ITPR2: variants seen among roughly 807,000 people sequenced by gnomAD.
The protein encoded by ITPR2 is inositol 1,4,5-trisphosphate receptor type 2, also known as inositol 1,4,5-trisphosphate-gated calcium channel ITPR2.
A neutral mutation model predicts 317.1 loss-of-function variants in ITPR2; 207 were observed. The observed-to-expected ratio is 0.65, with a 90% confidence interval of 0.58 to 0.73. ITPR2 has a LOEUF of 0.73. Among genes scored for constraint, ITPR2 ranks in the 30% least tolerant of loss-of-function variants. The probability of loss-of-function intolerance (pLI) is 0.00; values close to 1 mark genes in which losing one functional copy is unlikely to be tolerated. For missense variants in ITPR2, 2,613 were observed against 3,284.0 expected (o/e 0.80, Z 4.99); for synonymous variants, 1,156 against 1,149.1 (o/e 1.01, Z -0.12).
chr12:26,695,202 AG>A (rs569415783), intron 10 of ITPR2, among the ~76,000 whole-genome samples: 154 of 152,354 alleles, frequency 1.0e-3, no homozygotes, highest in African/African-American at 3.6e-3. Flanking sequence ...TTAAAAATCT[AG>A]CCCAACATCC....
rs1565759688 is a variant in ITPR2 at position 26,782,014 on chromosome 12, ATATATATATATATATATAT to A, written c.163+8124_163+8142del. Among the ~76,000 whole-genome samples, 220 of 30,914 alleles carry A rather than the reference ATATATATATATATATATAT, an allele frequency of 7.1e-3. 1 individual carries two copies. The highest frequency in any genetic ancestry group is 0.012 in the African/African-American group (115 of 9,216). 20.3% of individuals were successfully genotyped at this position (30,914 alleles called of 152,430 possible). On this transcript the variant is annotated intron_variant, in intron 2 of 56. Transcript: ENST00000381340. ...CCTGTATATATATATATATATATAT[ATATATATATATATATATAT>A]GTATAGAGAGAGAGAGAGAGAGAGA...
rs189685258 is a variant in ITPR2 at position 26,666,109 on chromosome 12, A to G, written c.1410-58T>C. On this transcript the variant is annotated intron_variant, in intron 13 of 56. Coordinates refer to ENST00000381340, the MANE Select transcript of ITPR2 (RefSeq NM_002223.4). ...CAGTGTGCTTAATTTTGGAAAATGT[A>G]TAGATAGATGATAGGTAGGTAGGTA... 8.5e-5 allele frequency: 104 copies of G among 1,220,882 alleles called. No homozygotes were observed. The East Asian group carries it at 1.7e-3, about 20-fold the overall frequency. The allele number at this position is 1,220,882 out of a possible 1,614,324, so 75.6% of individuals were successfully genotyped here.
chr12:26,586,131 T>G (rs1178412157), intron 32 of ITPR2, among the ~76,000 whole-genome samples: 1 of 152,138 alleles, frequency 6.6e-6, no homozygotes. Context: ...CTATTTAAAT[T>G]TTGATGTGTT....
At chr12:26,673,712 A>G (rs1456511166) in intron 13 of ITPR2, among the ~76,000 whole-genome samples, 3 of 151,390 alleles carry the variant, frequency 2.0e-5, no homozygotes, top group Non-Finnish European at 2.9e-5. Flanking sequence ...AGGCAGGAGA[A>G]GAAAATAAAG....
At chr12:26,731,900 C>A (rs1036714620) in intron 2 of ITPR2, among the ~76,000 whole-genome samples, 1 of 152,114 alleles carries the variant, frequency 6.6e-6, no homozygotes, top group Admixed American at 6.6e-5. Context: ...AGGTTGTTTT[C>A]GTTTTTCAGT....
chr12:26,609,083 G>GT (rs1411641385), intron 26 of ITPR2, among the ~76,000 whole-genome samples: 1 of 152,198 alleles, frequency 6.6e-6, no homozygotes. Flanking sequence ...GGACATGGTT[G>GT]TAAGAAGGGG....
chr12:26,568,112 G>C (rs1367838162), intron 34 of ITPR2, among the ~76,000 whole-genome samples: 1 of 149,214 alleles, frequency 6.7e-6, no homozygotes, highest in African/African-American at 2.5e-5. Flanking sequence ...ATAAGGAAGA[G>C]CTAATAAATT....
chr12:26,660,615 G>A (rs181609304), intron 15 of ITPR2, among the ~76,000 whole-genome samples: 45 of 152,346 alleles, frequency 3.0e-4, no homozygotes, highest in Admixed American at 5.9e-4. Flanking sequence ...ATGCTAAGCA[G>A]CATTTTTGTG....
At chr12:26,346,325 A>G (rs1938305943) in intron 55 of ITPR2, among the ~76,000 whole-genome samples, 1 of 152,220 alleles carries the variant, frequency 6.6e-6, no homozygotes, top group Non-Finnish European at 1.5e-5. Flanking sequence ...GCAAGTGTCA[A>G]AAGTCAGCTG....
chr12:26,501,140 G>A (rs1943061778), intron 37 of ITPR2, among the ~76,000 whole-genome samples: 1 of 151,984 alleles, frequency 6.6e-6, no homozygotes, highest in Non-Finnish European at 1.5e-5. Flanking sequence ...CCAATCAGCT[G>A]AGACAAGATC....
chr12:26,771,669 C>CA (rs1351530423), intron 2 of ITPR2, among the ~76,000 whole-genome samples: 1 of 152,072 alleles, frequency 6.6e-6, no homozygotes, highest in Admixed American at 6.5e-5. Context: ...TGCCCAACAC[C>CA]ACGCCTGGCT....
intron 2 of ITPR2, among the ~76,000 whole-genome samples, chr12:26,743,498 A>C (rs1411597047): frequency 1.3e-5 from 2 of 152,220 alleles, no homozygotes; most frequent in African/African-American, 4.8e-5. Flanking sequence ...GCATTGTGAT[A>C]AGGATCAATG....
intron 48 of ITPR2, among the ~76,000 whole-genome samples, chr12:26,429,067 C>T (rs1941139105): frequency 6.6e-6 from 1 of 152,166 alleles, no homozygotes; most frequent in Admixed American, 6.5e-5. Flanking sequence ...ACCTCAAGGG[C>T]TTGATATGCA....
At chr12:26,478,819 GA>G (rs1421743963) in intron 43 of ITPR2, among the ~76,000 whole-genome samples, 9 of 151,518 alleles carry the variant, frequency 5.9e-5, no homozygotes, top group African/African-American at 1.9e-4. Flanking sequence ...TTTTGCAAAT[GA>G]AAATAAAAAG....
At chr12:26,816,282 T>C (rs1253750921) in intron 1 of ITPR2, among the ~76,000 whole-genome samples, 1 of 152,186 alleles carries the variant, frequency 6.6e-6, no homozygotes, top group Non-Finnish European at 1.5e-5. Flanking sequence ...AGGTATCTGA[T>C]GCTATGAGCC....
rs758612339 is a variant in ITPR2 at position 26,602,486 on chromosome 12, T to C, written c.3562A>G (p.Arg1188Gly). The change falls in exon 28 of 57, where the codon AGG becomes GGG. Residue 1188 changes from arginine (R) to glycine (G), a missense_variant. This residue lies in a region of ITPR2 where 817 missense variants were observed against 897.6 expected (regional missense o/e 0.91). Coordinates refer to ENST00000381340, the MANE Select transcript of ITPR2 (RefSeq NM_002223.4). ...TTCTGCACACAGAGTTTACTTAGCC[T>C]GATCAAAATCTTTAAAAGGAAGAGG... ...NYRIVKEILI[R>G]LSKLCVQNKK... The C allele has an allele frequency of 8.1e-6, 13 of 1,609,212 alleles. No individual in the cohort carries two copies. In the East Asian group the frequency reaches 2.9e-4, roughly 36 times the overall value.
intron 2 of ITPR2, among the ~76,000 whole-genome samples, chr12:26,744,885 T>C (rs1008868588): frequency 6.6e-6 from 1 of 152,198 alleles, no homozygotes. Flanking sequence ...GAGGCTACTA[T>C]GAGATTTTAA....
chr12:26,700,325 G>C (rs1045991994), intron 9 of ITPR2, among the ~76,000 whole-genome samples: 1 of 152,180 alleles, frequency 6.6e-6, no homozygotes, highest in Non-Finnish European at 1.5e-5. Context: ...AGGCTGGAGG[G>C]GCCACTGCCA....
At chr12:26,743,176 T>A (rs1949264023) in intron 2 of ITPR2, among the ~76,000 whole-genome samples, 1 of 152,122 alleles carries the variant, frequency 6.6e-6, no homozygotes, top group Non-Finnish European at 1.5e-5. Context: ...GTTAAAGAAA[T>A]AATAGGTATA....
Sources: allele counts gnomAD v4.1 joint callset (sites outside exome capture counted in the v4.1 genomes callset), GRCh38; gene constraint gnomAD v4.1.1; regional missense constraint gnomAD v4.1.1; transcripts MANE v1.5; gene names NCBI Gene and HGNC (gene_info 2026-07-23, HGNC 2026-07-21).